The following ALCAM variants were observed in gnomAD, a reference collection of about 807,000 sequenced individuals.
ALCAM encodes activated leukocyte cell adhesion molecule.
In ALCAM, 30 loss-of-function variants were observed where a neutral mutation model predicts 70.9. The observed-to-expected ratio is 0.42, with a 90% CI of 0.32 to 0.57. ALCAM has a LOEUF of 0.57. ALCAM is among the 20% of genes least tolerant of loss of function. ALCAM has a pLI of 0.11. For synonymous variants in ALCAM, 249 were observed against 242.5 expected (o/e 1.03, Z -0.25); for missense variants, 591 against 695.1 (o/e 0.85, Z 1.68).
At chr3:105,531,872 C>T (rs563203604) in intron 3 of ALCAM, 130 bp from the exon 4 acceptor site, 71 of 794,148 alleles carry the variant, frequency 8.9e-5, no homozygotes, top group South Asian at 8.5e-4. Context: ...GATTGTATAA[C>T]GAAATCTATT....
chr3:105,541,518 G>A, intron 7 of ALCAM, 115 bp from the exon 8 acceptor site: 1 of 1,144,800 alleles, frequency 8.7e-7, no homozygotes, highest in Non-Finnish European at 1.2e-6. Flanking sequence ...TGTGATCAAT[G>A]AAACACATTC....
intron 2 of ALCAM, 112 bp from the exon 3 acceptor site, chr3:105,524,177 G>A: frequency 1.1e-6 from 1 of 910,668 alleles, no homozygotes; most frequent in Non-Finnish European, 1.6e-6. Context: ...ATTCTTCGTA[G>A]ACAAAAAATA....
intron 6 of ALCAM, among the ~76,000 whole-genome samples, chr3:105,536,315 A>G (rs1382810434): frequency 2.0e-5 from 3 of 152,096 alleles, no homozygotes; most frequent in Non-Finnish European, 4.4e-5. Flanking sequence ...GTTGGTCTCG[A>G]ACTCCTGACC....
chr3:105,522,911 G>A (rs565152038), intron 2 of ALCAM, among the ~76,000 whole-genome samples: 3 of 152,176 alleles, frequency 2.0e-5, no homozygotes, highest in African/African-American at 7.2e-5. Context: ...AGGCCGAGGC[G>A]GGCGGATCAC....
chr3:105,484,555 A>G (rs562692065), intron 1 of ALCAM, among the ~76,000 whole-genome samples: 1 of 152,204 alleles, frequency 6.6e-6, no homozygotes, highest in Non-Finnish European at 1.5e-5. Flanking sequence ...TACACACCTA[A>G]TTGAAAAATA....
chr3:105,527,388 A>C (rs1420737366), intron 3 of ALCAM, among the ~76,000 whole-genome samples: 1 of 152,130 alleles, frequency 6.6e-6, no homozygotes, highest in Non-Finnish European at 1.5e-5. Context: ...GACTTTGGGC[A>C]AGTCACCTCA....
At chr3:105,372,752 C>T (rs986487883) in intron 1 of ALCAM, among the ~76,000 whole-genome samples, 2 of 152,084 alleles carry the variant, frequency 1.3e-5, no homozygotes, top group African/African-American at 4.8e-5. Context: ...CTCTGATTTG[C>T]TTCTCTATTA....
intron 1 of ALCAM, among the ~76,000 whole-genome samples, chr3:105,516,178 G>T (rs1032066283): frequency 6.6e-6 from 1 of 151,830 alleles, no homozygotes; most frequent in Non-Finnish European, 1.5e-5. Flanking sequence ...TGTGGTAGCA[G>T]ATTCTGAATT....
chr3:105,421,880 C>CT (rs35077298), intron 1 of ALCAM, among the ~76,000 whole-genome samples: 4 of 150,570 alleles, frequency 2.7e-5, no homozygotes, highest in East Asian at 2.0e-4. Flanking sequence ...TACAAGTTTT[C>CT]TTTTTTTTAC....
intron 2 of ALCAM, among the ~76,000 whole-genome samples, chr3:105,523,139 C>CAAAAAAAAAAAAAAAAAAAAAAAAAAAAA (rs59478384): frequency 1.1e-5 from 1 of 87,024 alleles, no homozygotes; most frequent in African/African-American, 4.9e-5. Flanking sequence ...GACTCCGTCT[C>CAAAAAAAAAAAAAAAAAAAAAAAAAAAAA]AAAAAAAAAA....
intron 13 of ALCAM, 82 bp downstream of exon 13, chr3:105,552,264 G>GCTGTCCA (rs1940428794): frequency 2.8e-6 from 4 of 1,412,826 alleles, no homozygotes; most frequent in African/African-American, 2.9e-5. Flanking sequence ...AATTTTCTTA[G>GCTGTCCA]CTGTCCACAA....
At chr3:105,460,010 A>G (rs1937581954) in intron 1 of ALCAM, among the ~76,000 whole-genome samples, 2 of 152,036 alleles carry the variant, frequency 1.3e-5, no homozygotes, top group Admixed American at 6.6e-5. Context: ...ATTGCTGGAA[A>G]CATTAATTCA....
intron 1 of ALCAM, among the ~76,000 whole-genome samples, chr3:105,478,668 A>T (rs185368379): frequency 8.0e-4 from 122 of 152,256 alleles, no homozygotes; most frequent in Non-Finnish European, 1.4e-3. Flanking sequence ...GTTATCTGTG[A>T]GAGGATCAGT....
At chr3:105,440,795 AT>A (rs1183515735) in intron 1 of ALCAM, 1 of 152,048 alleles carries the variant, frequency 6.6e-6, no homozygotes, top group Non-Finnish European at 1.5e-5. Flanking sequence ...AACCAAACAA[AT>A]TTCTTTTCTG....
intron 1 of ALCAM, among the ~76,000 whole-genome samples, chr3:105,496,373 C>A (rs1441592231): frequency 6.6e-6 from 1 of 152,004 alleles, no homozygotes; most frequent in Non-Finnish European, 1.5e-5. Context: ...AACTCTGTTA[C>A]AAGAAGTTAC....
chr3:105,476,138 G>C (rs918755462), intron 1 of ALCAM, among the ~76,000 whole-genome samples: 2 of 151,926 alleles, frequency 1.3e-5, no homozygotes, highest in Non-Finnish European at 2.9e-5. Flanking sequence ...CCAAGCTATT[G>C]ATGATTTCTT....
At chr3:105,461,158 G>T (rs1937598746) in intron 1 of ALCAM, among the ~76,000 whole-genome samples, 2 of 151,766 alleles carry the variant, frequency 1.3e-5, no homozygotes, top group South Asian at 4.1e-4. Flanking sequence ...GGGGCTGATA[G>T]GAATATGTGG....
intron 1 of ALCAM, among the ~76,000 whole-genome samples, chr3:105,466,044 T>C (rs1289089294): frequency 6.6e-6 from 1 of 151,494 alleles, no homozygotes; most frequent in Non-Finnish European, 1.5e-5. Flanking sequence ...AAGCAGTCCT[T>C]ATACACAGTT....
intron 1 of ALCAM, among the ~76,000 whole-genome samples, chr3:105,507,227 A>G (rs1939103509): frequency 6.6e-6 from 1 of 151,126 alleles, no homozygotes; most frequent in African/African-American, 2.4e-5. Context: ...ACATCTTTGC[A>G]TTAGTGTGGT....
Sources: gnomAD v4.1 joint callset for allele counts (sites outside exome capture counted in the v4.1 genomes callset) on GRCh38, gnomAD v4.1.1 for gene constraint, MANE v1.5 for transcripts, NCBI Gene and HGNC (gene_info 2026-07-23, HGNC 2026-07-21) for gene names.